The following FRA10AC1 variants were observed in gnomAD, a reference collection of about 807,000 sequenced individuals.
The protein encoded by FRA10AC1 is FRA10A associated CGG repeat 1, also known as protein FRA10AC1.
Under a neutral mutation model 56.5 loss-of-function variants are expected in FRA10AC1, and 43 were observed. The observed-to-expected ratio is 0.76, with a 90% CI of 0.60 to 0.98. FRA10AC1 has a LOEUF of 0.98. FRA10AC1 is among the 50% of genes least tolerant of loss of function. FRA10AC1 has a pLI of 0.00. For synonymous variants in FRA10AC1, 112 were observed against 110.5 expected (o/e 1.01, Z -0.09); for missense variants, 346 against 351.8 (o/e 0.98, Z 0.13).
chr10:93,702,629 C>A (rs564597418), upstream of FRA10AC1: 19 of 196,036 alleles, frequency 9.7e-5, no homozygotes, highest in South Asian at 1.4e-3. Context: ...TAAATGGCAC[C>A]GTCCCCCGAG....
rs146185559 is a variant in FRA10AC1, at chr10:93,676,612, C to T, written c.826+41G>A. The T allele has an allele frequency of 7.5e-3, 11,455 of 1,527,880 alleles. 52 individuals carry two copies. Among genetic ancestry groups the T allele is most frequent in the Non-Finnish European group, 8.8e-3 (10,082 of 1,140,616 alleles). The allele number at this position is 1,527,880 out of a possible 1,614,324, so 94.6% of individuals were successfully genotyped here. On this transcript the variant is annotated intron_variant, in intron 12 of 13. Coordinates refer to ENST00000359204, the MANE Select transcript of FRA10AC1 (RefSeq NM_145246.5). ...CATGGGAAATCTAAATTGCAAATAC[C>T]TCAAATGCATATTTTTATTAAATAA...
chr10:93,702,025 A>G (rs1333661894), intron 1 of FRA10AC1, among the ~76,000 whole-genome samples: 2 of 152,026 alleles, frequency 1.3e-5, no homozygotes, highest in African/African-American at 2.4e-5. Context: ...AACCCAGTAA[A>G]TGTTACATCA....
At chr10:93,670,061 T>A (rs557351709) in intron 13 of FRA10AC1, among the ~76,000 whole-genome samples, 193 bp from the exon 14 acceptor site, 1 of 152,240 alleles carries the variant, frequency 6.6e-6, no homozygotes, top group East Asian at 1.9e-4. Context: ...ATACCCAGAT[T>A]GATTAAAATA....
At chr10:93,701,722 A>T (rs142806439) in intron 1 of FRA10AC1, among the ~76,000 whole-genome samples, 1 of 152,022 alleles carries the variant, frequency 6.6e-6, no homozygotes, top group Non-Finnish European at 1.5e-5. Context: ...GTCTTACCAC[A>T]TCTGTTCAAG....
intron 6 of FRA10AC1, 44 bp from the exon 7 acceptor site, chr10:93,692,137 C>T: frequency 7.4e-7 from 1 of 1,346,382 alleles, no homozygotes; most frequent in Non-Finnish European, 9.8e-7. Flanking sequence ...AGAAACTCAA[C>T]CATGGTTTGC....
chr10:93,697,315 AG>A (rs1423834758), intron 4 of FRA10AC1, among the ~76,000 whole-genome samples: 1 of 152,204 alleles, frequency 6.6e-6, no homozygotes, highest in Non-Finnish European at 1.5e-5. Context: ...TTGGGTTAGG[AG>A]ATAAGAAGAA....
intron 12 of FRA10AC1, chr10:93,673,315 C>T (rs1478128755): frequency 4.4e-6 from 2 of 456,448 alleles, no homozygotes; most frequent in African/African-American, 2.0e-5. Context: ...TTCCTCACCT[C>T]TTCCCTCCCA....
chr10:93,670,625 A>T (rs1484181252), intron 13 of FRA10AC1, 145 bp downstream of exon 13: 1 of 473,558 alleles, frequency 2.1e-6, no homozygotes, highest in African/African-American at 2.0e-5. Context: ...AATGGCTGGG[A>T]ATAAGCTCTA....
Position 93,692,017 on chromosome 10 carries a change from C to A in FRA10AC1, c.457G>T (p.Glu153Ter). 2 of 1,564,986 alleles carry A rather than the reference C, an allele frequency of 1.3e-6. No homozygotes were observed. Among genetic ancestry groups the A allele is most frequent in the South Asian group, 1.2e-5 (1 of 82,716 alleles). Residue 153 changes from glutamate (E) to a stop codon, truncating the protein, a stop_gained, in exon 7 of 14, where the codon GAA (glutamate) becomes TAA (stop). Transcript: ENST00000359204. LOFTEE classifies it high-confidence loss of function. ...ATATGTGGAAAGCATACCTTATTTTCTTTATATTTACTGAGATCTGCTATG... is the reference window on the plus strand; with the variant it reads ...ATATGTGGAAAGCATACCTTATTTTATTTATATTTACTGAGATCTGCTATG... Reference protein sequence around the residue: ...YCIADLSKYKENKFGFRWRVE... With the variant: ...YCIADLSKYK
intron 5 of FRA10AC1, 102 bp downstream of exon 5, chr10:93,694,748 ACACCGGAATAG>A: frequency 4.2e-6 from 2 of 479,338 alleles, no homozygotes; most frequent in South Asian, 2.0e-5. Flanking sequence ...AAAAAAAGGC[ACACCGGAATAG>A]AAAGCAGGGA....
chr10:93,693,522 T>TAC (rs1564820205), intron 5 of FRA10AC1, among the ~76,000 whole-genome samples: 1 of 15,434 alleles, frequency 6.5e-5, no homozygotes, highest in Non-Finnish European at 1.8e-4. Context: ...CATATATATA[T>TAC]ATATACACCA....
At chr10:93,673,736 A>C (rs1397991444) in intron 12 of FRA10AC1, 1 of 441,052 alleles carries the variant, frequency 2.3e-6, no homozygotes, top group Admixed American at 2.6e-5. Context: ...TCAAGGACTT[A>C]CTTTGCGTCA....
At chr10:93,673,189 T>C in intron 12 of FRA10AC1, 1 of 375,026 alleles carries the variant, frequency 2.7e-6, no homozygotes. Context: ...AAGTTTTTCC[T>C]TAAATTAAGG....
chr10:93,675,669 C>T (rs1375608212), intron 12 of FRA10AC1: 1 of 377,404 alleles, frequency 2.6e-6, no homozygotes, highest in Non-Finnish European at 5.6e-6. Context: ...CGCGCCACTG[C>T]ACTCCAACCT....
At chr10:93,683,029 G>C (rs1376189760) in intron 10 of FRA10AC1, among the ~76,000 whole-genome samples, 4 of 152,124 alleles carry the variant, frequency 2.6e-5, no homozygotes, top group Non-Finnish European at 5.9e-5. Flanking sequence ...ACTTTTAACT[G>C]TTATCCAGCG....
chr10:93,683,039 G>A (rs1282611598), intron 10 of FRA10AC1, among the ~76,000 whole-genome samples: 2 of 152,090 alleles, frequency 1.3e-5, no homozygotes, highest in African/African-American at 2.4e-5. Context: ...GTTATCCAGC[G>A]CATAAAACCT....
intron 7 of FRA10AC1, among the ~76,000 whole-genome samples, chr10:93,688,268 A>G (rs2059064852): frequency 6.6e-6 from 1 of 152,272 alleles, no homozygotes; most frequent in South Asian, 2.1e-4. Context: ...AAGACTACAT[A>G]TATATGATTT....
At chr10:93,692,610 A>G (rs1373053163) in intron 6 of FRA10AC1, 36 bp downstream of exon 6, 2 of 1,308,118 alleles carry the variant, frequency 1.5e-6, no homozygotes, top group African/African-American at 3.0e-5. Flanking sequence ...ACAGGACTAA[A>G]GCATTTGATG....
intron 5 of FRA10AC1, among the ~76,000 whole-genome samples, chr10:93,692,950 CT>C (rs2059149135): frequency 6.6e-6 from 1 of 152,048 alleles, no homozygotes; most frequent in Admixed American, 6.6e-5. Context: ...GATAAGGAAT[CT>C]GTCTGTAGCA....
Sources: allele counts gnomAD v4.1 joint callset (sites outside exome capture counted in the v4.1 genomes callset), GRCh38; gene constraint gnomAD v4.1.1; transcripts MANE v1.5; gene names NCBI Gene and HGNC (gene_info 2026-07-23, HGNC 2026-07-21).